The following GPC3 variants were observed in gnomAD, a reference collection of about 807,000 sequenced individuals.
The protein encoded by GPC3 is glypican-3.
Under a neutral mutation model 34.4 loss-of-function variants are expected in GPC3, and 3 were observed. That is an observed-to-expected ratio of 0.09 (90% confidence interval 0.04 to 0.23). GPC3 has a LOEUF of 0.23. GPC3 is among the 10% of genes least tolerant of loss of function. The pLI, the probability that GPC3 is intolerant of heterozygous loss-of-function variation, is 1.00. For synonymous variants in GPC3, 177 were observed against 174.0 expected, an observed-to-expected ratio of 1.02 and a Z score of -0.13; for missense variants, 351 against 445.6, an observed-to-expected ratio of 0.79 and a Z score of 1.91.
intron 7 of GPC3, among the ~76,000 whole-genome samples, chrX:133,576,234 T>C (rs1030662722): frequency 4.5e-5 from 5 of 110,317 alleles, no homozygotes; most frequent in Non-Finnish European, 3.8e-5. Flanking sequence ...CTCTGTTTTT[T>C]TGTTTGTTTG....
chrX:133,961,370 G>A (rs187236117), intron 1 of GPC3, among the ~76,000 whole-genome samples: 4 of 111,182 alleles, frequency 3.6e-5, no homozygotes, highest in African/African-American at 9.8e-5. Flanking sequence ...CTCTAAGCCC[G>A]AAAATTAAAG....
intron 5 of GPC3, among the ~76,000 whole-genome samples, chrX:133,664,229 CAAAG>C (rs928560138): frequency 7.1e-5 from 8 of 112,155 alleles, no homozygotes; most frequent in Non-Finnish European, 1.5e-4. Context: ...AATCTACCAA[CAAAG>C]AGTTTTCATT....
intron 3 of GPC3, among the ~76,000 whole-genome samples, chrX:133,708,976 T>A (rs2071241576): frequency 8.9e-6 from 1 of 112,407 alleles, no homozygotes; most frequent in South Asian, 3.7e-4. Flanking sequence ...TCAGATTGTT[T>A]CAGTACAATT....
intron 1 of GPC3, among the ~76,000 whole-genome samples, chrX:133,978,897 T>A (rs755064657): frequency 8.9e-6 from 1 of 112,053 alleles, no homozygotes; most frequent in African/African-American, 3.2e-5. Flanking sequence ...ACTTCTAATT[T>A]TCCAGTAATA....
chrX:133,954,738 CTTTTTTTTTT>C lies in GPC3; in HGVS notation c.176-1537_176-1528del, dbSNP rs1166218378. Among the ~76,000 whole-genome samples the C allele has an allele frequency of 4.8e-4, 26 of 53,772 alleles. 1 individual carries two copies. Among genetic ancestry groups the C allele is most frequent in the East Asian group, 4.8e-3 (6 of 1,248 alleles). The allele number at this position is 53,772 out of a possible 115,157, so 46.7% of individuals were successfully genotyped here. On this transcript the variant is annotated intron_variant, in intron 1 of 7. Coordinates refer to ENST00000370818, the MANE Select transcript of GPC3 (RefSeq NM_004484.4). ...AACTTCTGTCTTACTCAAACTTTCT[CTTTTTTTTTT>C]TTTTTTTTTTTTTTTTGAGATGGAG...
chrX:133,791,150 C>T (rs2072155823), intron 2 of GPC3, among the ~76,000 whole-genome samples: 1 of 111,769 alleles, frequency 8.9e-6, no homozygotes, highest in South Asian at 3.8e-4. Context: ...GCCAAGATAG[C>T]CTCTCCCCAT....
intron 2 of GPC3, among the ~76,000 whole-genome samples, chrX:133,811,526 C>T (rs906052110): frequency 2.7e-5 from 3 of 111,248 alleles, no homozygotes; most frequent in Non-Finnish European, 3.8e-5. Context: ...AGGAAACTCT[C>T]CTATGTAATT....
At chrX:133,771,238 C>T (rs1367794083) in intron 2 of GPC3, among the ~76,000 whole-genome samples, 3 of 112,469 alleles carry the variant, frequency 2.7e-5, no homozygotes, top group Non-Finnish European at 3.8e-5. Context: ...CATTCAAGAC[C>T]GCTTATTTTA....
chrX:133,960,633 CTA>C (rs751430173), intron 1 of GPC3, among the ~76,000 whole-genome samples: 13 of 109,330 alleles, frequency 1.2e-4, no homozygotes, highest in Non-Finnish European at 2.1e-4. Flanking sequence ...GAAATCTTTT[CTA>C]TATATATATA....
At chrX:133,803,787 T>C (rs1426698356) in intron 2 of GPC3, among the ~76,000 whole-genome samples, 1 of 111,724 alleles carries the variant, frequency 9.0e-6, no homozygotes, top group Non-Finnish European at 1.9e-5. Flanking sequence ...CAAAAACAAC[T>C]TTTCTCAAAT....
chrX:133,918,039 T>C (rs1011466183), intron 2 of GPC3, among the ~76,000 whole-genome samples: 3 of 112,347 alleles, frequency 2.7e-5, no homozygotes, highest in Non-Finnish European at 5.6e-5. Flanking sequence ...CTTTTTAATG[T>C]CCACAATTTT....
intron 2 of GPC3, among the ~76,000 whole-genome samples, chrX:133,874,417 A>G (rs2076006719): frequency 9.0e-6 from 1 of 111,620 alleles, no homozygotes; most frequent in African/African-American, 3.3e-5. Flanking sequence ...CATTTTATGC[A>G]CATATATATA....
At position 133,537,484 on chromosome X, in the gene GPC3, C is replaced by T. The variant is rs184550781; in HGVS notation, c.1574-1191G>A. Among the ~76,000 whole-genome samples, 80 of 111,408 alleles carry T rather than the reference C, an allele frequency of 7.2e-4. 1 individual carries two copies. Among genetic ancestry groups the T allele is most frequent in the African/African-American group, 2.4e-3 (75 of 30,719 alleles). The stretch of plus-strand genomic sequence containing the variant: ...AAGTCACAGGAAGAAAGCGTGGGGA[C>T]TCAGCTGGTCCAGTACAGAGCAGGG... On this transcript the variant is annotated intron_variant, in intron 7 of 7. Transcript: ENST00000370818.
At position 133,841,215 on chromosome X, in the gene GPC3, A is replaced by ATTTTTTTTTTTTTTTTTTTTTTTTT. The variant is rs769696321; in HGVS notation, c.338-87040_338-87039insAAAAAAAAAAAAAAAAAAAAAAAAA. Among the ~76,000 whole-genome samples, 96 of 39,234 alleles carry ATTTTTTTTTTTTTTTTTTTTTTTTT rather than the reference A, an allele frequency of 2.4e-3. 24 individuals carry two copies. Among genetic ancestry groups the ATTTTTTTTTTTTTTTTTTTTTTTTT allele is most frequent in the Non-Finnish European group, 4.0e-3 (74 of 18,655 alleles). The allele number at this position is 39,234 out of a possible 115,157, so 34.1% of individuals were successfully genotyped here. On this transcript the variant is annotated intron_variant, in intron 2 of 7. Transcript: ENST00000370818. ...ACCACCATGCCTGGCTAATCTTTTA[A>ATTTTTTTTTTTTTTTTTTTTTTTTT]TTTTTTTTTTTTTTTTTTTTTTTGG...
At chrX:133,703,617 C>T (rs763873847) in intron 3 of GPC3, among the ~76,000 whole-genome samples, 10 of 110,728 alleles carry the variant, frequency 9.0e-5, no homozygotes, top group African/African-American at 2.6e-4. Context: ...CCCACTACCA[C>T]GCCCAGCTAA....
At chrX:133,823,653 T>G (rs1936069932) in intron 2 of GPC3, among the ~76,000 whole-genome samples, 1 of 111,454 alleles carries the variant, frequency 9.0e-6, no homozygotes, top group South Asian at 3.7e-4. Flanking sequence ...ACTTACATAA[T>G]AGAAGATTTC....
intron 5 of GPC3, among the ~76,000 whole-genome samples, chrX:133,679,156 A>T (rs1001379765): frequency 1.8e-5 from 2 of 111,591 alleles, no homozygotes; most frequent in Admixed American, 9.5e-5. Flanking sequence ...AATTTTTTTT[A>T]AGTGACATTC....
chrX:133,800,535 T>C (rs1263280125), intron 2 of GPC3, among the ~76,000 whole-genome samples: 1 of 112,194 alleles, frequency 8.9e-6, no homozygotes, highest in Non-Finnish European at 1.9e-5. Context: ...AGTAACTTGA[T>C]GAGTACCGTC....
At chrX:133,845,050 C>G (rs1021950168) in intron 2 of GPC3, among the ~76,000 whole-genome samples, 2 of 111,696 alleles carry the variant, frequency 1.8e-5, no homozygotes, top group Admixed American at 9.5e-5. Context: ...GCACTCCCCT[C>G]ACAGTCCTCC....
Sources: gnomAD v4.1 joint callset for allele counts (sites outside exome capture counted in the v4.1 genomes callset) on GRCh38, gnomAD v4.1.1 for gene constraint, MANE v1.5 for transcripts, NCBI Gene and HGNC (gene_info 2026-07-23, HGNC 2026-07-21) for gene names.